CPQ: variants seen among roughly 807,000 people sequenced by gnomAD.
The protein encoded by CPQ is Ser-Met dipeptidase.
Under a neutral mutation model 45.7 loss-of-function variants are expected in CPQ, and 37 were observed. The ratio of observed to expected loss-of-function variants is 0.81; its 90% confidence interval spans 0.62 to 1.07. The LOEUF is 1.07. Ranked by LOEUF, CPQ falls within the 50% of genes least tolerant of loss-of-function variation. CPQ has a pLI of 0.00. For missense variants in CPQ, 537 were observed against 572.9 expected, an observed-to-expected ratio of 0.94 and a Z score of 0.64; for synonymous variants, 186 against 205.8, an observed-to-expected ratio of 0.90 and a Z score of 0.82.
intron 7 of CPQ, among the ~76,000 whole-genome samples, chr8:97,082,046 T>G (rs1439472211): frequency 6.6e-6 from 1 of 152,208 alleles, no homozygotes; most frequent in African/African-American, 2.4e-5. Flanking sequence ...TAGTCTAGAT[T>G]CCTACAGTAC....
chr8:96,971,364 A>C (rs977166195), intron 5 of CPQ, among the ~76,000 whole-genome samples: 12 of 152,218 alleles, frequency 7.9e-5, no homozygotes, highest in Non-Finnish European at 1.2e-4. Flanking sequence ...TTTTATCCAC[A>C]CTATCTGAGT....
intron 4 of CPQ, among the ~76,000 whole-genome samples, chr8:96,945,846 G>A (rs957544121): frequency 3.9e-5 from 6 of 152,170 alleles, no homozygotes; most frequent in South Asian, 4.1e-4. Context: ...TCTTAAGCAA[G>A]TTCTCCACAC....
chr8:96,730,496 T>C (rs577699974), intron 1 of CPQ, among the ~76,000 whole-genome samples: 1 of 151,766 alleles, frequency 6.6e-6, no homozygotes, highest in African/African-American at 2.4e-5. Context: ...GGGAAGAAAA[T>C]AGCCACAGAA....
At chr8:97,034,345 T>C (rs1343607209) in intron 6 of CPQ, among the ~76,000 whole-genome samples, 1 of 152,190 alleles carries the variant, frequency 6.6e-6, no homozygotes, top group African/African-American at 2.4e-5. Flanking sequence ...GAAAGTCCCA[T>C]AAAAGATTTC....
chr8:96,690,612 T>C (rs1203672989), intron 1 of CPQ, among the ~76,000 whole-genome samples: 1 of 152,226 alleles, frequency 6.6e-6, no homozygotes, highest in African/African-American at 2.4e-5. Flanking sequence ...TGGAAGATTG[T>C]TTTCTGCTGT....
chr8:96,878,500 C>G (rs1400643242), intron 3 of CPQ, among the ~76,000 whole-genome samples: 1 of 152,046 alleles, frequency 6.6e-6, no homozygotes, highest in Non-Finnish European at 1.5e-5. Flanking sequence ...AGAAGACACC[C>G]CTGAAACAAA....
intron 4 of CPQ, among the ~76,000 whole-genome samples, chr8:96,910,236 C>T (rs1428187026): frequency 6.6e-6 from 1 of 152,030 alleles, no homozygotes; most frequent in Non-Finnish European, 1.5e-5. Flanking sequence ...AGGTTAAATG[C>T]CTTGCCCAAT....
chr8:96,777,400 A>G (rs1810619016), intron 1 of CPQ, among the ~76,000 whole-genome samples: 1 of 151,998 alleles, frequency 6.6e-6, no homozygotes, highest in African/African-American at 2.4e-5. Context: ...CTCATACGGA[A>G]GGATGGGAGG....
At chr8:96,998,535 A>G (rs1019235934) in intron 5 of CPQ, among the ~76,000 whole-genome samples, 2 of 151,980 alleles carry the variant, frequency 1.3e-5, no homozygotes, top group Non-Finnish European at 2.9e-5. Context: ...AAAATTGCTG[A>G]ACAGTTTCTA....
intron 7 of CPQ, among the ~76,000 whole-genome samples, chr8:97,112,151 ATT>A (rs548377824): frequency 2.4e-4 from 34 of 141,364 alleles, no homozygotes; most frequent in African/African-American, 8.1e-4. Flanking sequence ...TATTATTTTT[ATT>A]TTTTTTTTAT....
intron 1 of CPQ, among the ~76,000 whole-genome samples, chr8:96,659,551 A>G (rs1815675147): frequency 6.6e-6 from 1 of 152,174 alleles, no homozygotes; most frequent in African/African-American, 2.4e-5. Context: ...GGCTTTAATA[A>G]TCTTTCTATA....
At chr8:96,734,438 G>A (rs575628172) in intron 1 of CPQ, among the ~76,000 whole-genome samples, 134 of 152,280 alleles carry the variant, frequency 8.8e-4, no homozygotes, top group African/African-American at 2.9e-3. Context: ...CAGGCTGGGC[G>A]CGGTGGGTCA....
chr8:96,850,328 G>T (rs1042429883), intron 3 of CPQ, among the ~76,000 whole-genome samples: 2 of 152,138 alleles, frequency 1.3e-5, no homozygotes, highest in Non-Finnish European at 2.9e-5. Flanking sequence ...TTCCTCTGGG[G>T]CTTGGTTTTT....
rs1815600017 is a variant in CPQ at position 96,653,337 on chromosome 8, T to G, written c.-35+7935T>G. 2.0e-5 allele frequency among the ~76,000 whole-genome samples: 3 copies of G among 152,260 alleles called. No homozygotes were observed. The South Asian group carries it at 6.2e-4, about 31-fold the overall frequency. On this transcript the variant is annotated intron_variant, in intron 1 of 7. Coordinates refer to ENST00000220763, the MANE Select transcript of CPQ (RefSeq NM_016134.4). ...GATAATTAATGATGTTGAGCATTTT[T>G]TAATATATCTGTTGGCCATTTATAT...
At chr8:96,952,426 A>T (rs538159067) in intron 4 of CPQ, among the ~76,000 whole-genome samples, 25 of 152,232 alleles carry the variant, frequency 1.6e-4, no homozygotes, top group Admixed American at 1.3e-3. Flanking sequence ...AGGTTTCCTA[A>T]TGTCTGTAGC....
At chr8:96,879,003 T>C (rs116081667) in intron 3 of CPQ, among the ~76,000 whole-genome samples, 2,964 of 152,242 alleles carry the variant, frequency 0.019, 89 homozygotes, top group African/African-American at 0.064. Context: ...AAGGAACAGT[T>C]TGAAAGGGCA....
At chr8:97,130,293 C>G (rs1303893045) in intron 7 of CPQ, among the ~76,000 whole-genome samples, 1 of 152,130 alleles carries the variant, frequency 6.6e-6, no homozygotes, top group Admixed American at 6.5e-5. Flanking sequence ...TCCCTGGCAT[C>G]TGCAGCAGCA....
At chr8:96,874,590 A>G (rs1272133345) in intron 3 of CPQ, among the ~76,000 whole-genome samples, 1 of 151,386 alleles carries the variant, frequency 6.6e-6, no homozygotes, top group African/African-American at 2.4e-5. Flanking sequence ...GGAATCTTGC[A>G]ATATATGGTC....
intron 5 of CPQ, among the ~76,000 whole-genome samples, chr8:96,995,619 T>A (rs898790465): frequency 2.0e-5 from 3 of 151,090 alleles, no homozygotes; most frequent in Non-Finnish European, 4.4e-5. Flanking sequence ...GAATTGGGGC[T>A]CAGATAAAGA....
Sources: allele counts gnomAD v4.1 joint callset (sites outside exome capture counted in the v4.1 genomes callset), GRCh38; gene constraint gnomAD v4.1.1; transcripts MANE v1.5; gene names NCBI Gene and HGNC (gene_info 2026-07-23, HGNC 2026-07-21).